BLOC1S3: variants seen among roughly 807,000 people sequenced by gnomAD.
The protein encoded by BLOC1S3 is biogenesis of lysosome-related organelles complex 1 subunit 3.
In BLOC1S3, 7 loss-of-function variants were observed where a neutral mutation model predicts 9.1. That is an observed-to-expected ratio of 0.77 (90% CI 0.44 to 1.45). The LOEUF is 1.45. Among genes scored for constraint, BLOC1S3 ranks in the 40% most tolerant of loss-of-function variants. The probability of loss-of-function intolerance (pLI) is 0.01; values close to 1 mark genes in which losing one functional copy is unlikely to be tolerated. For synonymous variants in BLOC1S3, 145 were observed against 158.4 expected (o/e 0.92, Z 0.64); for missense variants, 307 against 315.2 (o/e 0.97, Z 0.20).
intron 2 of BLOC1S3, among the ~76,000 whole-genome samples, chr19:45,199,309 CTTTTTTTT>C (rs34967306): frequency 4.1e-5 from 3 of 72,476 alleles, no homozygotes; most frequent in African/African-American, 1.8e-4. Flanking sequence ...GTGCCTTATT[CTTTTTTTT>C]TTTTTTTTTT....
intron 3 of BLOC1S3, among the ~76,000 whole-genome samples, chr19:45,212,003 C>T (rs1187370741): frequency 2.0e-5 from 3 of 152,054 alleles, no homozygotes; most frequent in South Asian, 4.2e-4. Context: ...CCCAGGAGGG[C>T]GCCCTGGATG....
intron 3 of BLOC1S3, among the ~76,000 whole-genome samples, chr19:45,206,450 G>GTTTTTGT (rs1969726443): frequency 1.8e-5 from 1 of 55,152 alleles, no homozygotes; most frequent in East Asian, 5.3e-4. Flanking sequence ...GATTAATCAA[G>GTTTTTGT]TTTTTTTTTT....
intron 3 of BLOC1S3, chr19:45,216,237 G>T: frequency 6.2e-7 from 1 of 1,604,466 alleles, no homozygotes; most frequent in Non-Finnish European, 8.5e-7. Flanking sequence ...TCCCAAGATT[G>T]ACCCTGCCAA....
rs145404290 is a variant in BLOC1S3 at position 45,189,496 on chromosome 19, G to A, written n.180+1756G>A. On this transcript the variant is annotated intron_variant and non_coding_transcript_variant, in intron 2 of 3. Coordinates refer to the BLOC1S3 transcript ENST00000591569. The stretch of plus-strand genomic sequence containing the variant: ...TGCCCAGGCTGGAGTGTAATGGTGC[G>A]ATCTCACCTCACCACAACCTCTACC... Among the ~76,000 whole-genome samples the A allele has an allele frequency of 8.3e-3, 1,246 of 149,502 alleles. 21 individuals are homozygous for A. Among genetic ancestry groups the A allele is most frequent in the African/African-American group, 0.029 (1,165 of 40,514 alleles).
chr19:45,186,088 G>A (rs1969563975), downstream of BLOC1S3, among the ~76,000 whole-genome samples: 1 of 151,972 alleles, frequency 6.6e-6, no homozygotes, highest in South Asian at 2.1e-4. Flanking sequence ...ACTCCAGCCT[G>A]GGCAACACAG....
At chr19:45,191,896 C>A (rs2042296083) in intron 2 of BLOC1S3, among the ~76,000 whole-genome samples, 1 of 152,212 alleles carries the variant, frequency 6.6e-6, no homozygotes, top group Non-Finnish European at 1.5e-5. Context: ...AACACGGGGT[C>A]TCCCCCAAGG....
At chr19:45,189,065 C>A (rs1969586266) in intron 2 of BLOC1S3, among the ~76,000 whole-genome samples, 1 of 152,270 alleles carries the variant, frequency 6.6e-6, no homozygotes, top group African/African-American at 2.4e-5. Context: ...CCGCCTTGGG[C>A]TCCCAAAGTG....
chr19:45,189,528 G>A (rs1294457468), intron 2 of BLOC1S3, among the ~76,000 whole-genome samples: 1 of 149,072 alleles, frequency 6.7e-6, no homozygotes, highest in Admixed American at 6.7e-5. Flanking sequence ...TACCTCCCAG[G>A]TTCAAGTGAT....
chr19:45,203,166 T>G (rs569826344), intron 3 of BLOC1S3, among the ~76,000 whole-genome samples: 4 of 152,216 alleles, frequency 2.6e-5, no homozygotes, highest in African/African-American at 9.6e-5. Context: ...AATGTCTCAG[T>G]GGGCCTCATG....
chr19:45,215,086 C>T (rs540956094), intron 3 of BLOC1S3, among the ~76,000 whole-genome samples: 1 of 152,176 alleles, frequency 6.6e-6, no homozygotes, highest in Non-Finnish European at 1.5e-5. Context: ...GCAGAGGTTG[C>T]AGTGAGCTGA....
rs879713453 is a variant in BLOC1S3, at chr19:45,181,266, C to T, written c.*1361C>T. On this transcript the variant is annotated 3_prime_UTR_variant, in exon 2 of 2. Transcript: ENST00000433642. ...GGGACTCCCCATGGTTTCCTTCCTT[C>T]TGCAGGCCCAAAATGATGGCCCCTC... 1 of 167,254 alleles carries T rather than the reference C, an allele frequency of 6.0e-6. No homozygotes were observed. Among genetic ancestry groups the T allele is most frequent in the African/African-American group, 2.4e-5 (1 of 41,452 alleles). 10.4% of individuals were successfully genotyped at this position (167,254 alleles called of 1,614,324 possible).
At chr19:45,211,510 GA>G (rs576231552) in intron 3 of BLOC1S3, among the ~76,000 whole-genome samples, 4,177 of 109,446 alleles carry the variant, frequency 0.038, 60 homozygotes, top group Middle Eastern at 0.06. Flanking sequence ...GACTCTGACT[GA>G]AAAAAAAAAA....
At chr19:45,187,595 G>A (rs1354375444) in intron 1 of BLOC1S3, 1 of 152,274 alleles carries the variant, frequency 6.6e-6, no homozygotes, top group Non-Finnish European at 1.5e-5. Flanking sequence ...AGTGAACAAT[G>A]TGGCATGCTG....
rs1328295236 is a variant in BLOC1S3 at position 45,209,860 on chromosome 19, T to G, written n.283-6816T>G. Among the ~76,000 whole-genome samples the G allele has an allele frequency of 2.6e-5, 4 of 151,892 alleles. No homozygotes were observed. The South Asian group carries it at 8.3e-4, about 31-fold the overall frequency. Reference sequence around the variant, plus strand: ...GATTCTCCTGACTCAGCCTTCCAAGTAGCTGTGATTATAGGCATGCGCCAC... The same window carrying G: ...GATTCTCCTGACTCAGCCTTCCAAGGAGCTGTGATTATAGGCATGCGCCAC... On this transcript the variant is annotated intron_variant and non_coding_transcript_variant, in intron 3 of 3. Coordinates refer to the BLOC1S3 transcript ENST00000591569.
At chr19:45,213,615 C>G (rs752069187) in intron 3 of BLOC1S3, among the ~76,000 whole-genome samples, 6 of 152,220 alleles carry the variant, frequency 3.9e-5, no homozygotes, top group Middle Eastern at 6.8e-3. Flanking sequence ...GCCCTGGGAT[C>G]TTCCTTTTCA....
chr19:45,189,210 AG>A (rs1969586980), intron 2 of BLOC1S3, among the ~76,000 whole-genome samples: 1 of 147,556 alleles, frequency 6.8e-6, no homozygotes, highest in South Asian at 2.2e-4. Flanking sequence ...AATAGAGATA[AG>A]GTTTCACCAT....
intron 2 of BLOC1S3, among the ~76,000 whole-genome samples, chr19:45,198,688 G>A (rs1416183693): frequency 1.3e-5 from 2 of 151,786 alleles, no homozygotes; most frequent in Non-Finnish European, 2.9e-5. Flanking sequence ...TCCATTGTAT[G>A]TTTGTTTTTG....
chr19:45,216,331 T>A, intron 3 of BLOC1S3: 2 of 1,269,838 alleles, frequency 1.6e-6, no homozygotes, highest in South Asian at 3.0e-5. Flanking sequence ...ATCCCAGCAC[T>A]TTGGGAGGAG....
chr19:45,184,903 C>CAAAAAAAAA (rs71338752), downstream of BLOC1S3, among the ~76,000 whole-genome samples: 19 of 48,286 alleles, frequency 3.9e-4, 2 homozygotes, highest in African/African-American at 9.2e-4. Context: ...CTGTCTCAAA[C>CAAAAAAAAA]AAAAAAAAAA....
Sources: allele counts gnomAD v4.1 joint callset (sites outside exome capture counted in the v4.1 genomes callset), GRCh38; gene constraint gnomAD v4.1.1; transcripts MANE v1.5; gene names NCBI Gene and HGNC (gene_info 2026-07-23, HGNC 2026-07-21).